CNKSR2: variants seen among roughly 807,000 people sequenced by gnomAD.
The protein encoded by CNKSR2 is CNK homolog protein 2.
A neutral mutation model predicts 84.4 loss-of-function variants in CNKSR2; 14 were observed. That is an observed-to-expected ratio of 0.17 (90% CI 0.11 to 0.26). CNKSR2 has a LOEUF of 0.26. Among genes scored for constraint, CNKSR2 ranks in the 10% least tolerant of loss-of-function variants. The pLI is 1.00. For missense variants in CNKSR2, 485 were observed against 771.2 expected (o/e 0.63, Z 4.40); for synonymous variants, 275 against 277.9 (o/e 0.99, Z 0.10).
chrX:21,647,157 A>G (rs993403605), intron 20 of CNKSR2, among the ~76,000 whole-genome samples: 4 of 112,116 alleles, frequency 3.6e-5, no homozygotes, highest in Non-Finnish European at 5.6e-5. Flanking sequence ...GTATTTTTAG[A>G]TTATAGTTCT....
intron 1 of CNKSR2, chrX:21,423,303 AT>A (rs1488251968): frequency 9.0e-6 from 1 of 111,280 alleles, no homozygotes; most frequent in African/African-American, 3.3e-5. Context: ...TTGCCTTACC[AT>A]TTATAAGCTG....
At chrX:21,549,964 C>A (rs1362983060) in intron 11 of CNKSR2, among the ~76,000 whole-genome samples, 1 of 112,010 alleles carries the variant, frequency 8.9e-6, no homozygotes, top group African/African-American at 3.3e-5. Flanking sequence ...ACCATAAAAA[C>A]CCTAGAAGAA....
At chrX:21,537,742 A>G (rs2091941820) in intron 11 of CNKSR2, 1 of 107,545 alleles carries the variant, frequency 9.3e-6, no homozygotes, top group Non-Finnish European at 1.9e-5. Context: ...GTATGTGTCT[A>G]CAGGTGAAGT....
intron 1 of CNKSR2, among the ~76,000 whole-genome samples, chrX:21,419,718 G>T (rs1428256533): frequency 8.9e-6 from 1 of 111,865 alleles, no homozygotes; most frequent in Non-Finnish European, 1.9e-5. Flanking sequence ...AGAGACTTTT[G>T]TTCTCTTCCC....
chrX:21,606,157 A>C (rs952121607), intron 18 of CNKSR2, among the ~76,000 whole-genome samples: 2 of 111,855 alleles, frequency 1.8e-5, no homozygotes, highest in Admixed American at 1.9e-4. Context: ...TGGAACTTGC[A>C]GCCCACATCA....
At position 21,632,812 on chromosome X, in the gene CNKSR2, TTAAG is replaced by T. The variant is rs202103140; in HGVS notation, c.2693-16018_2693-16015del. 9.2e-3 allele frequency among the ~76,000 whole-genome samples: 1,032 copies of T among 111,824 alleles called. 6 individuals carry two copies. Among genetic ancestry groups the T allele is most frequent in the African/African-American group, 0.032 (972 of 30,785 alleles). ...ACCTTGATCATAAGTATGCATGGAC[TTAAG>T]GAAGAACTAATGTAATTTATCACTA... On this transcript the variant is annotated intron_variant, in intron 20 of 21. Transcript: ENST00000379510.
chrX:21,627,015 G>T (rs2092626595), intron 20 of CNKSR2, among the ~76,000 whole-genome samples: 1 of 111,620 alleles, frequency 9.0e-6, no homozygotes, highest in African/African-American at 3.3e-5. Flanking sequence ...AAGTGACATG[G>T]CTTACCATGA....
chrX:21,392,630 C>A (rs1404788146), intron 1 of CNKSR2, among the ~76,000 whole-genome samples: 1 of 111,565 alleles, frequency 9.0e-6, no homozygotes, highest in African/African-American at 3.3e-5. Context: ...TCCTCCAACA[C>A]TGGGGATTAC....
chrX:21,558,294 C>T (rs1319548805), intron 11 of CNKSR2, among the ~76,000 whole-genome samples: 4 of 111,029 alleles, frequency 3.6e-5, no homozygotes, highest in Non-Finnish European at 7.6e-5. Flanking sequence ...TTTATTAAGT[C>T]GACTTCAGTA....
chrX:21,648,794 CTTTTTTTTT>C (rs33962399), intron 20 of CNKSR2, 28 bp from the exon 21 acceptor site: 77 of 316,180 alleles, frequency 2.4e-4, no homozygotes, highest in Admixed American at 8.8e-4. Context: ...CTCTCTCTTT[CTTTTTTTTT>C]TTTTTTTTTT....
intron 3 of CNKSR2, among the ~76,000 whole-genome samples, chrX:21,434,973 C>T (rs912376010): frequency 2.8e-5 from 3 of 105,858 alleles, no homozygotes; most frequent in East Asian, 2.9e-4. Context: ...GAAAGTTATA[C>T]TTTGAATTTA....
In CNKSR2 at chrX:21,432,617, T is replaced by C. The variant is rs765313877; in HGVS notation, c.234T>C (p.Tyr78=). 5.4e-5 allele frequency: 62 copies of C among 1,138,386 alleles called. 1 individual carries two copies. In the South Asian group the frequency reaches 1.0e-3, roughly 19 times the overall value. The allele number at this position is 1,138,386 out of a possible 1,213,427, so 93.8% of individuals were successfully genotyped here. A position where few individuals can be genotyped will look rare whatever the true frequency, so the allele number is the denominator to read the frequency against. ...EAVDLLCALN[Y]GLETENLKTL... Reference sequence around the variant, plus strand: ...CTCTCTTTTTTATAATTCAGAATTATGGCTTGGAAACAGAAAATCTAAAAA... The same window carrying C: ...CTCTCTTTTTTATAATTCAGAATTACGGCTTGGAAACAGAAAATCTAAAAA... The change falls in exon 3 of 22, where the codon TAT becomes TAC. Residue 78 remains tyrosine (Y), a synonymous_variant. Coordinates refer to ENST00000379510, the MANE Select transcript of CNKSR2 (RefSeq NM_014927.5).
intron 6 of CNKSR2, chrX:21,491,960 A>G (rs1383984887): frequency 9.0e-6 from 1 of 111,131 alleles, no homozygotes; most frequent in Non-Finnish European, 1.9e-5. Flanking sequence ...AAGTCAGAAC[A>G]CCCAGATACA....
At chrX:21,499,985 A>T (rs947320503) in intron 7 of CNKSR2, among the ~76,000 whole-genome samples, 1 of 111,186 alleles carries the variant, frequency 9.0e-6, no homozygotes, top group Admixed American at 9.6e-5. Flanking sequence ...ATCAGTTGTG[A>T]ACCAAATACC....
chrX:21,573,352 G>A (rs2147213103), intron 13 of CNKSR2, among the ~76,000 whole-genome samples: 1 of 111,969 alleles, frequency 8.9e-6, no homozygotes, highest in South Asian at 3.8e-4. Flanking sequence ...TAGGATGGTG[G>A]CCCTCTTCTC....
At chrX:21,413,988 T>C (rs1416077597) in intron 1 of CNKSR2, among the ~76,000 whole-genome samples, 2 of 110,780 alleles carry the variant, frequency 1.8e-5, no homozygotes, top group Non-Finnish European at 3.8e-5. Flanking sequence ...AAAATGCATA[T>C]GGAACCACGA....
At chrX:21,392,622 C>A (rs937573018) in intron 1 of CNKSR2, among the ~76,000 whole-genome samples, 9 of 111,591 alleles carry the variant, frequency 8.1e-5, no homozygotes, top group African/African-American at 2.6e-4. Context: ...CAGGCCCCTC[C>A]TCCAACACTG....
chrX:21,492,403 A>G (rs1004842682), intron 6 of CNKSR2: 3 of 111,282 alleles, frequency 2.7e-5, no homozygotes, highest in Admixed American at 9.6e-5. Flanking sequence ...TCACACCTCT[A>G]TAGAGTAGAT....
At chrX:21,464,662 G>A (rs757624268) in intron 4 of CNKSR2, among the ~76,000 whole-genome samples, 94 of 111,089 alleles carry the variant, frequency 8.5e-4, no homozygotes, top group African/African-American at 3.0e-3. Flanking sequence ...TTGTTAGCTG[G>A]ACAAGAACAT....
Sources: gnomAD v4.1 joint callset for allele counts (sites outside exome capture counted in the v4.1 genomes callset) on GRCh38, gnomAD v4.1.1 for gene constraint, MANE v1.5 for transcripts, NCBI Gene and HGNC (gene_info 2026-07-23, HGNC 2026-07-21) for gene names.